Variants in DGKI observed in about 807,000 individuals in gnomAD.
DGKI encodes the protein diacylglycerol kinase iota.
DGKI carries 55 observed loss-of-function variants against 147.5 expected under a neutral mutation model. That is an observed-to-expected ratio of 0.37 (90% confidence interval 0.30 to 0.47). The LOEUF (loss-of-function observed/expected upper bound fraction) is 0.47, where lower values mean the gene tolerates loss of function less well. DGKI is among the 20% of genes least tolerant of loss of function. DGKI has a pLI of 1.00. For missense variants in DGKI, 1,007 were observed against 1,323.8 expected (o/e 0.76, Z 3.71); for synonymous variants, 469 against 477.1 (o/e 0.98, Z 0.22).
intron 28 of DGKI, among the ~76,000 whole-genome samples, chr7:137,415,866 G>A (rs536662063): frequency 1.2e-4 from 19 of 152,124 alleles, no homozygotes; most frequent in Admixed American, 5.9e-4. Context: ...GTGGGCGCCC[G>A]TAATCCCAGC....
intron 1 of DGKI, among the ~76,000 whole-genome samples, chr7:137,765,386 T>C (rs1157137015): frequency 2.0e-5 from 3 of 152,210 alleles, no homozygotes; most frequent in African/African-American, 7.2e-5. Context: ...ATCTATATCA[T>C]TTTGAGACAT....
rs148495934 is a variant in DGKI, at chr7:137,790,541, C to T, written c.401+55921G>A. 2.2e-4 allele frequency among the ~76,000 whole-genome samples: 33 copies of T among 152,298 alleles called. No individual in the cohort carries two copies. In the East Asian group the frequency reaches 4.4e-3, roughly 20 times the overall value. On this transcript the variant is annotated intron_variant, in intron 1 of 32. Transcript: ENST00000614521. ...AGATGCCTGGCATGGGGCCCAATGA[C>T]GCACTAATCAATAAAGCAAATTATT...
intron 1 of DGKI, among the ~76,000 whole-genome samples, chr7:137,818,820 C>T (rs960621108): frequency 1.3e-5 from 2 of 152,210 alleles, no homozygotes; most frequent in African/African-American, 2.4e-5. Flanking sequence ...AGGAAAAACT[C>T]AGCATAAGTG....
intron 1 of DGKI, among the ~76,000 whole-genome samples, chr7:137,765,083 G>A (rs936446651): frequency 6.6e-6 from 1 of 152,180 alleles, no homozygotes; most frequent in Non-Finnish European, 1.5e-5. Context: ...GCCCTTCTCT[G>A]GGCAAACATG....
At chr7:137,544,158 A>G (rs1047682915) in intron 20 of DGKI, among the ~76,000 whole-genome samples, 1 of 152,196 alleles carries the variant, frequency 6.6e-6, no homozygotes, top group Non-Finnish European at 1.5e-5. Context: ...ATAAGAGATA[A>G]ACAGTCCAAT....
chr7:137,565,187 G>A (rs1818543498), intron 19 of DGKI, among the ~76,000 whole-genome samples: 1 of 151,984 alleles, frequency 6.6e-6, no homozygotes, highest in Non-Finnish European at 1.5e-5. Flanking sequence ...CTTCATAAAG[G>A]AAACTTTGCA....
chr7:137,709,048 G>A lies in DGKI; in HGVS notation c.402-19046C>T, dbSNP rs149896386. 3.3e-3 allele frequency among the ~76,000 whole-genome samples: 497 copies of A among 152,268 alleles called. 3 individuals are homozygous for A. Among genetic ancestry groups the A allele is most frequent in the African/African-American group, 0.011 (444 of 41,552 alleles). On this transcript the variant is annotated intron_variant, in intron 1 of 32. Coordinates refer to ENST00000614521, the MANE Select transcript of DGKI (RefSeq NM_001321708.2). ...CAACGCATTAACTTTATGACTCTGG[G>A]CAGGTCACTTCGCTGCTCCAACCCT...
chr7:137,521,342 G>T (rs1816953794), intron 21 of DGKI, among the ~76,000 whole-genome samples: 4 of 151,990 alleles, frequency 2.6e-5, no homozygotes, highest in African/African-American at 9.7e-5. Context: ...TCAAGTGCAG[G>T]TTTCAAAAAT....
At chr7:137,804,484 A>G (rs565032317) in intron 1 of DGKI, among the ~76,000 whole-genome samples, 1 of 152,312 alleles carries the variant, frequency 6.6e-6, no homozygotes, top group South Asian at 2.1e-4. Context: ...CTGTGCCCCC[A>G]TTTAACATAA....
intron 12 of DGKI, among the ~76,000 whole-genome samples, chr7:137,594,170 C>A (rs1392668074): frequency 3.3e-5 from 5 of 152,184 alleles, no homozygotes. Context: ...CCTCAACCTC[C>A]CAAGTAGCTG....
chr7:137,453,532 A>G (rs1814060308), intron 27 of DGKI, among the ~76,000 whole-genome samples: 1 of 152,196 alleles, frequency 6.6e-6, no homozygotes, highest in Non-Finnish European at 1.5e-5. Context: ...CATACAGTAA[A>G]AGAGAGCAGG....
intron 1 of DGKI, among the ~76,000 whole-genome samples, chr7:137,767,995 G>T (rs536597520): frequency 3.7e-4 from 56 of 152,250 alleles, no homozygotes; most frequent in South Asian, 2.7e-3. Flanking sequence ...GGGCAACACA[G>T]CAAGACCCTG....
intron 1 of DGKI, among the ~76,000 whole-genome samples, chr7:137,734,332 C>A (rs1794963786): frequency 6.6e-6 from 1 of 152,058 alleles, no homozygotes; most frequent in African/African-American, 2.4e-5. Context: ...AATTCTTTCT[C>A]AATTGCTGCA....
At chr7:137,533,908 C>T (rs834075) in intron 20 of DGKI, among the ~76,000 whole-genome samples, 33,111 of 151,994 alleles carry the variant, frequency 0.22, 6,276 homozygotes, top group African/African-American at 0.51. Flanking sequence ...ATGTATAGAA[C>T]TTCATTTTCT....
chr7:137,820,196 A>T (rs925039046), intron 1 of DGKI, among the ~76,000 whole-genome samples: 1 of 152,202 alleles, frequency 6.6e-6, no homozygotes, highest in Non-Finnish European at 1.5e-5. Context: ...AAAAAAGATG[A>T]AGGATGCTAA....
intron 20 of DGKI, among the ~76,000 whole-genome samples, chr7:137,537,980 C>T (rs753269987): frequency 1.4e-4 from 22 of 152,098 alleles, no homozygotes; most frequent in Non-Finnish European, 2.6e-4. Context: ...TGTAGGACCA[C>T]AACTAAGTAA....
intron 1 of DGKI, among the ~76,000 whole-genome samples, chr7:137,761,360 A>AT (rs1795850675): frequency 2.0e-5 from 3 of 152,150 alleles, no homozygotes; most frequent in East Asian, 3.9e-4. Flanking sequence ...TGGTCAAGTT[A>AT]TTTACCCTTT....
At chr7:137,405,164 G>C (rs1459745935) in intron 30 of DGKI, among the ~76,000 whole-genome samples, 1 of 152,166 alleles carries the variant, frequency 6.6e-6, no homozygotes, top group Admixed American at 6.5e-5. Flanking sequence ...CAGATGAGGA[G>C]TTCTGCTGTT....
At chr7:137,741,971 T>C (rs1308576710) in intron 1 of DGKI, among the ~76,000 whole-genome samples, 1 of 152,212 alleles carries the variant, frequency 6.6e-6, no homozygotes, top group Non-Finnish European at 1.5e-5. Flanking sequence ...AAAATGTATA[T>C]TAGCCTTATG....
Sources: allele counts gnomAD v4.1 joint callset (sites outside exome capture counted in the v4.1 genomes callset), GRCh38; gene constraint gnomAD v4.1.1; transcripts MANE v1.5; gene names NCBI Gene and HGNC (gene_info 2026-07-23, HGNC 2026-07-21).